The following BIRC6 variants were observed in gnomAD, a reference collection of about 807,000 sequenced individuals.
BIRC6 encodes baculoviral IAP repeat containing 6.
A neutral mutation model predicts 503.3 loss-of-function variants in BIRC6; 98 were observed. The observed-to-expected ratio is 0.19, with a 90% CI of 0.17 to 0.23. The LOEUF (loss-of-function observed/expected upper bound fraction) is 0.23, where lower values mean the gene tolerates loss of function less well. Ranked by LOEUF, BIRC6 falls within the 10% of genes least tolerant of loss-of-function variation. The pLI is 1.00. For missense variants in BIRC6, 5,360 were observed against 5,806.0 expected (o/e 0.92, Z 2.50); for synonymous variants, 2,240 against 2,078.7 (o/e 1.08, Z -2.11).
chr2:32,498,124 C>T lies in BIRC6; in HGVS notation c.8469-1423C>T, dbSNP rs113287150. Reference sequence around the variant, plus strand: ...TCGCACAGGTTGGAGCGTAGTGGTGCGATCTTGGCTCTCTGCAACCTCCGC... The same window carrying T: ...TCGCACAGGTTGGAGCGTAGTGGTGTGATCTTGGCTCTCTGCAACCTCCGC... On this transcript the variant is annotated intron_variant, in intron 45 of 73. Coordinates refer to ENST00000421745, the MANE Select transcript of BIRC6 (RefSeq NM_016252.4). Among the ~76,000 whole-genome samples, 7 of 152,228 alleles carry T rather than the reference C, an allele frequency of 4.6e-5. No individual in the cohort carries two copies. In the East Asian group the frequency reaches 5.8e-4, roughly 13 times the overall value.
intron 51 of BIRC6, 180 bp from the exon 52 acceptor site, chr2:32,509,558 T>C (rs1395331056): frequency 1.1e-5 from 8 of 706,244 alleles, no homozygotes; most frequent in Admixed American, 3.2e-5. Flanking sequence ...TGGCCATGAT[T>C]TATCTTATAG....
At chr2:32,580,281 G>A (rs529226838) in intron 66 of BIRC6, among the ~76,000 whole-genome samples, 9 of 152,216 alleles carry the variant, frequency 5.9e-5, no homozygotes, top group African/African-American at 1.9e-4. Context: ...TAACAACATA[G>A]TATCTGACAT....
chr2:32,484,650 A>G (rs1374886751), intron 39 of BIRC6, among the ~76,000 whole-genome samples: 1 of 152,092 alleles, frequency 6.6e-6, no homozygotes, highest in Non-Finnish European at 1.5e-5. Flanking sequence ...TATTCAGTGA[A>G]TTATACCTTA....
At chr2:32,511,869 G>A (rs1457637629) in intron 53 of BIRC6, among the ~76,000 whole-genome samples, 1 of 151,988 alleles carries the variant, frequency 6.6e-6, no homozygotes, top group Non-Finnish European at 1.5e-5. Context: ...AATTGTTTTT[G>A]ATGAAGTGAA....
intron 26 of BIRC6, among the ~76,000 whole-genome samples, chr2:32,467,055 C>T (rs577197614): frequency 5.9e-4 from 88 of 149,562 alleles, no homozygotes; most frequent in Non-Finnish European, 3.7e-4. Context: ...GGAGGCGGAG[C>T]TTGCAGTGAG....
At position 32,525,516 on chromosome 2, in the gene BIRC6, A is replaced by T; in HGVS notation, c.11808A>T (p.Pro3936=). The part of the protein sequence containing the change: ...RAVSATPPRP[P]SRRGRTIPDK... ...TGTCAGCTACACCACCTCGCCCACC[A>T]TCCAGGAGGGGGAGGACAATACCTG... Residue 3936 remains proline (P), a synonymous_variant, in exon 59 of 74, where the codon CCA becomes CCT. Coordinates refer to ENST00000421745, the MANE Select transcript of BIRC6 (RefSeq NM_016252.4). The T allele has an allele frequency of 1.2e-6, 2 of 1,613,964 alleles. No homozygotes were observed. The highest frequency in any genetic ancestry group is 1.7e-6 in the Non-Finnish European group (2 of 1,179,846).
chr2:32,472,281 C>G (rs2049190902), intron 32 of BIRC6, among the ~76,000 whole-genome samples: 1 of 152,138 alleles, frequency 6.6e-6, no homozygotes, highest in Non-Finnish European at 1.5e-5. Context: ...ATTGGCCAGG[C>G]TGGTCTTGAA....
intron 69 of BIRC6, among the ~76,000 whole-genome samples, chr2:32,598,809 G>A (rs1479995014): frequency 2.0e-5 from 3 of 151,784 alleles, no homozygotes; most frequent in African/African-American, 4.8e-5. Context: ...GATCACTTGA[G>A]GTCAAGAGTT....
chr2:32,423,061 C>G (rs1420086960), intron 10 of BIRC6, among the ~76,000 whole-genome samples: 2 of 152,120 alleles, frequency 1.3e-5, no homozygotes, highest in Non-Finnish European at 2.9e-5. Flanking sequence ...CCTCAGCCTC[C>G]CAAGGTTAGC....
intron 66 of BIRC6, among the ~76,000 whole-genome samples, chr2:32,581,615 A>T (rs1199672264): frequency 2.0e-5 from 3 of 152,184 alleles, no homozygotes; most frequent in Non-Finnish European, 4.4e-5. Context: ...CATAAATAGG[A>T]GACAGTGTAA....
At position 32,415,066 on chromosome 2, in the gene BIRC6, A is replaced by G. The variant is rs1241984736; in HGVS notation, c.1775A>G (p.Asp592Gly). The part of the protein sequence containing the change: ...PISSNSHRSL[D>G]GLSRTQGESI... ...AGTAGTAATTCTCACAGGTCACTGGATGGTTTAAGCAGAACTCAGGGTGAA... is the reference window on the plus strand; with the variant it reads ...AGTAGTAATTCTCACAGGTCACTGGGTGGTTTAAGCAGAACTCAGGGTGAA... Residue 592 changes from aspartate to glycine, a missense_variant, in exon 10 of 74, where the codon GAT becomes GGT. This residue lies in a region of BIRC6 where 700 missense variants were observed against 739.3 expected (regional missense o/e 0.95). Transcript: ENST00000421745. 2.5e-6 allele frequency: 4 copies of G among 1,613,930 alleles called. No homozygotes were observed. The highest frequency in any genetic ancestry group is 3.4e-6 in the Non-Finnish European group (4 of 1,179,876).
At chr2:32,574,683 T>G (rs2060145358) in intron 65 of BIRC6, 1 of 171,962 alleles carries the variant, frequency 5.8e-6, no homozygotes, top group African/African-American at 2.4e-5. Context: ...GGTCTTGCTG[T>G]CTCAGGCTGG....
intron 23 of BIRC6, among the ~76,000 whole-genome samples, chr2:32,462,145 G>A (rs2048065690): frequency 6.6e-6 from 1 of 152,064 alleles, no homozygotes; most frequent in South Asian, 2.1e-4. Context: ...AATGCCACAT[G>A]GTAATGCATA....
intron 23 of BIRC6, among the ~76,000 whole-genome samples, chr2:32,454,613 C>T (rs557908575): frequency 2.7e-4 from 41 of 152,194 alleles, no homozygotes; most frequent in African/African-American, 9.6e-4. Flanking sequence ...AAGGGTTTGA[C>T]TGTTGTCTTA....
At chr2:32,386,738 A>G (rs533454764) in intron 3 of BIRC6, among the ~76,000 whole-genome samples, 2 of 152,234 alleles carry the variant, frequency 1.3e-5, no homozygotes, top group East Asian at 3.9e-4. Flanking sequence ...ACTGTGCCCA[A>G]CCTCAAATCT....
intron 66 of BIRC6, among the ~76,000 whole-genome samples, chr2:32,578,749 A>G (rs2060437000): frequency 1.3e-5 from 2 of 151,710 alleles, no homozygotes; most frequent in African/African-American, 2.4e-5. Context: ...TGATCACACC[A>G]TCACACTCCA....
intron 26 of BIRC6, among the ~76,000 whole-genome samples, chr2:32,465,903 A>G (rs1216740890): frequency 7.0e-6 from 1 of 141,916 alleles, no homozygotes; most frequent in Non-Finnish European, 1.6e-5. Context: ...TAAAAGTCTT[A>G]CAGTATTTTC....
intron 57 of BIRC6, chr2:32,522,038 TG>T (rs1307013252): frequency 6.6e-6 from 1 of 152,124 alleles, no homozygotes. Flanking sequence ...TGTATGAAGT[TG>T]TTTGACACCC....
chr2:32,556,820 T>C (rs1041599473), intron 65 of BIRC6, among the ~76,000 whole-genome samples: 27 of 152,024 alleles, frequency 1.8e-4, no homozygotes, highest in African/African-American at 5.8e-4. Flanking sequence ...GCACCTGTAG[T>C]CCCAGCTACT....
Sources: allele counts gnomAD v4.1 joint callset (sites outside exome capture counted in the v4.1 genomes callset), GRCh38; gene constraint gnomAD v4.1.1; regional missense constraint gnomAD v4.1.1; transcripts MANE v1.5; gene names NCBI Gene and HGNC (gene_info 2026-07-23, HGNC 2026-07-21).